SEMA6D: variants seen among roughly 807,000 people sequenced by gnomAD.
SEMA6D encodes the protein semaphorin-6D.
In SEMA6D, 35 loss-of-function variants were observed where a neutral mutation model predicts 106.6. That is an observed-to-expected ratio of 0.33 (90% CI 0.25 to 0.44). The LOEUF (loss-of-function observed/expected upper bound fraction) is 0.44, where lower values mean the gene tolerates loss of function less well. Among genes scored for constraint, SEMA6D ranks in the 20% least tolerant of loss-of-function variants. The pLI is 1.00. For synonymous variants in SEMA6D, 499 were observed against 487.7 expected (o/e 1.02, Z -0.31); for missense variants, 1,185 against 1,345.9 (o/e 0.88, Z 1.87).
intron 3 of SEMA6D, among the ~76,000 whole-genome samples, chr15:47,567,540 C>T (rs1022956851): frequency 4.6e-5 from 7 of 152,252 alleles, no homozygotes; most frequent in African/African-American, 1.4e-4. Flanking sequence ...TCCCAAAGTT[C>T]TTTCCCTCTC....
At chr15:47,450,135 C>T (rs960011783) in intron 2 of SEMA6D, among the ~76,000 whole-genome samples, 3 of 152,154 alleles carry the variant, frequency 2.0e-5, no homozygotes, top group Non-Finnish European at 2.9e-5. Flanking sequence ...GGCAAAGACC[C>T]TCCCAAGGTG....
intron 4 of SEMA6D, among the ~76,000 whole-genome samples, chr15:47,652,744 C>T (rs184190271): frequency 1.4e-4 from 22 of 152,320 alleles, no homozygotes; most frequent in Admixed American, 1.4e-3. Flanking sequence ...GGTTCAAGGA[C>T]TGGCTTCGTG....
chr15:47,269,584 A>G (rs1378949366), intron 1 of SEMA6D, among the ~76,000 whole-genome samples: 6 of 152,050 alleles, frequency 3.9e-5, no homozygotes, highest in Admixed American at 2.0e-4. Context: ...TCTGTTTGAT[A>G]TTTTATAAAT....
At chr15:47,448,317 G>A (rs1479113804) in intron 2 of SEMA6D, among the ~76,000 whole-genome samples, 1 of 152,120 alleles carries the variant, frequency 6.6e-6, no homozygotes, top group Admixed American at 6.6e-5. Context: ...AATAATCTCA[G>A]TATGACCTGG....
At chr15:47,646,926 A>G (rs1478508584) in intron 4 of SEMA6D, among the ~76,000 whole-genome samples, 1 of 152,202 alleles carries the variant, frequency 6.6e-6, no homozygotes, top group Non-Finnish European at 1.5e-5. Context: ...GTTTCATCCA[A>G]ACTGCAGCTG....
intron 1 of SEMA6D, among the ~76,000 whole-genome samples, chr15:47,256,259 T>G (rs1373694814): frequency 6.6e-6 from 1 of 152,162 alleles, no homozygotes; most frequent in Non-Finnish European, 1.5e-5. Flanking sequence ...TGTACTGAGA[T>G]TTTGATAGAA....
At chr15:47,197,504 C>CT (rs34468502) in intron 1 of SEMA6D, among the ~76,000 whole-genome samples, 6,625 of 140,100 alleles carry the variant, frequency 0.047, 324 homozygotes, top group African/African-American at 0.12. Context: ...TTGCAAGTGT[C>CT]TTTTTTTTTT....
At chr15:47,298,697 C>G (rs1388770971) in intron 1 of SEMA6D, among the ~76,000 whole-genome samples, 1 of 152,060 alleles carries the variant, frequency 6.6e-6, no homozygotes, top group Non-Finnish European at 1.5e-5. Context: ...TGTATTAAGC[C>G]TCGGTCTCTT....
intron 1 of SEMA6D, among the ~76,000 whole-genome samples, chr15:47,340,188 G>T (rs2037754433): frequency 6.6e-6 from 1 of 152,190 alleles, no homozygotes; most frequent in Non-Finnish European, 1.5e-5. Context: ...AGAAGATAAT[G>T]CAGTCTCAGA....
At chr15:47,189,552 C>A (rs1595715299) in intron 1 of SEMA6D, among the ~76,000 whole-genome samples, 1 of 152,168 alleles carries the variant, frequency 6.6e-6, no homozygotes, top group Non-Finnish European at 1.5e-5. Flanking sequence ...ATTATCGACC[C>A]AAGGAGGCAT....
At chr15:47,604,079 G>A (rs2076722449) in intron 4 of SEMA6D, 1 of 152,246 alleles carries the variant, frequency 6.6e-6, no homozygotes. Context: ...GGAACCGGAG[G>A]CAGAGGCCTT....
chr15:47,210,908 G>GTT (rs924885225), intron 1 of SEMA6D, among the ~76,000 whole-genome samples: 1 of 150,222 alleles, frequency 6.7e-6, no homozygotes, highest in African/African-American at 2.4e-5. Context: ...TTAATACAGT[G>GTT]TTTTTTTTTG....
At chr15:47,545,975 T>C (rs1480940261) in intron 3 of SEMA6D, among the ~76,000 whole-genome samples, 4 of 152,188 alleles carry the variant, frequency 2.6e-5, no homozygotes, top group African/African-American at 7.2e-5. Context: ...TGGAAAAGCA[T>C]AGGGACATGA....
chr15:47,632,819 G>C (rs2077316488), intron 4 of SEMA6D, among the ~76,000 whole-genome samples: 1 of 151,682 alleles, frequency 6.6e-6, no homozygotes, highest in Non-Finnish European at 1.5e-5. Flanking sequence ...TTTATTATTT[G>C]TTTTCTGCTT....
chr15:47,569,534 A>G (rs921608457), intron 3 of SEMA6D, among the ~76,000 whole-genome samples: 2 of 152,074 alleles, frequency 1.3e-5, no homozygotes, highest in Non-Finnish European at 2.9e-5. Context: ...CAGCCAACCA[A>G]GGAGACCACA....
intron 1 of SEMA6D, among the ~76,000 whole-genome samples, chr15:47,231,964 C>A (rs911820595): frequency 2.6e-5 from 4 of 152,032 alleles, no homozygotes; most frequent in Non-Finnish European, 4.4e-5. Flanking sequence ...AGAACATTTC[C>A]ATCACCCCCA....
intron 1 of SEMA6D, among the ~76,000 whole-genome samples, chr15:47,397,000 A>T (rs760685357): frequency 6.6e-6 from 1 of 152,184 alleles, no homozygotes; most frequent in Non-Finnish European, 1.5e-5. Context: ...ATTATTAAGG[A>T]TATTTCAAGA....
intron 4 of SEMA6D, among the ~76,000 whole-genome samples, chr15:47,680,256 T>C (rs920994305): frequency 3.3e-5 from 5 of 152,262 alleles, no homozygotes; most frequent in Admixed American, 3.3e-4. Flanking sequence ...CTTCCTACTG[T>C]TTTTTATAAT....
At chr15:47,369,713 A>C (rs528389805) in intron 1 of SEMA6D, among the ~76,000 whole-genome samples, 10 of 152,336 alleles carry the variant, frequency 6.6e-5, no homozygotes, top group African/African-American at 2.4e-4. Context: ...TACGTTATTG[A>C]CATAAGAATA....
Sources: allele counts gnomAD v4.1 joint callset (sites outside exome capture counted in the v4.1 genomes callset), GRCh38; gene constraint gnomAD v4.1.1; transcripts MANE v1.5; gene names NCBI Gene and HGNC (gene_info 2026-07-23, HGNC 2026-07-21).